Variants in LIN9 observed in about 807,000 individuals in gnomAD.
The protein encoded by LIN9 is protein lin-9 homolog.
LIN9 carries 18 observed loss-of-function variants against 78.0 expected under a neutral mutation model. The observed-to-expected ratio is 0.23, with a 90% CI of 0.16 to 0.34. The LOEUF (loss-of-function observed/expected upper bound fraction) is 0.34. LIN9 is among the 10% of genes least tolerant of loss of function. The pLI is 1.00. For missense variants in LIN9, 451 were observed against 644.1 expected (o/e 0.70, Z 3.25); for synonymous variants, 192 against 215.2 (o/e 0.89, Z 0.94).
At chr1:226,279,292 CTT>C (rs935600425) in intron 6 of LIN9, among the ~76,000 whole-genome samples, 19 of 151,866 alleles carry the variant, frequency 1.3e-4, no homozygotes, top group African/African-American at 3.6e-4. Flanking sequence ...CATAGTGAGA[CTT>C]TGTTTCTGCT....
chr1:226,256,423 G>A (rs1659197557), intron 10 of LIN9, among the ~76,000 whole-genome samples: 1 of 151,870 alleles, frequency 6.6e-6, no homozygotes, highest in Non-Finnish European at 1.5e-5. Context: ...AACAGGACTG[G>A]GCATCATAGC....
At chr1:226,304,282 A>G (rs1411053649) in intron 1 of LIN9, among the ~76,000 whole-genome samples, 1 of 152,238 alleles carries the variant, frequency 6.6e-6, no homozygotes, top group African/African-American at 2.4e-5. Context: ...GTTCATAAGC[A>G]TGATGATTGG....
intron 7 of LIN9, among the ~76,000 whole-genome samples, chr1:226,268,723 C>T (rs1208931447): frequency 6.6e-6 from 1 of 152,232 alleles, no homozygotes; most frequent in African/African-American, 2.4e-5. Context: ...GAACTCTGGT[C>T]ACTGAGTCTC....
chr1:226,272,539 CTT>C (rs555346267), intron 7 of LIN9, among the ~76,000 whole-genome samples: 1,340 of 129,754 alleles, frequency 0.01, 17 homozygotes, highest in Non-Finnish European at 0.013. Context: ...CATGCTTGAC[CTT>C]TTTTTTTTTT....
At chr1:226,293,583 TTTAA>T (rs1427754441) in intron 4 of LIN9, among the ~76,000 whole-genome samples, 1 of 151,360 alleles carries the variant, frequency 6.6e-6, no homozygotes, top group East Asian at 1.9e-4. Context: ...TTAAATTTAT[TTTAA>T]TTTATTTTTT....
At position 226,295,911 on chromosome 1, in the gene LIN9, A is replaced by G. The variant is rs994367517; in HGVS notation, c.195T>C (p.Ser65=). The change falls in exon 4 of 15, where the codon TCT becomes TCC. Residue 65 remains serine, a synonymous_variant. Transcript: ENST00000681046. ...FRNSKRSRLF[S]DEDDRQINTR... ...TATTTATTTGCCTATCATCTTCATCAGAAAAAAGTCGACTTCGTTTTGAAT... is the reference window on the plus strand; with the variant it reads ...TATTTATTTGCCTATCATCTTCATCGGAAAAAAGTCGACTTCGTTTTGAAT... 13 of 1,612,902 alleles carry G rather than the reference A, an allele frequency of 8.1e-6. No homozygotes were observed. The Admixed American group carries it at 1.5e-4, about 19-fold the overall frequency.
intron 1 of LIN9, chr1:226,308,820 C>G (rs1211038285): frequency 4.4e-6 from 1 of 228,314 alleles, no homozygotes; most frequent in Non-Finnish European, 8.5e-6. Flanking sequence ...GGCTGGGGGC[C>G]GGAGTGGCGC....
chr1:226,270,365 C>G (rs1660186049), intron 7 of LIN9, among the ~76,000 whole-genome samples: 1 of 152,080 alleles, frequency 6.6e-6, no homozygotes, highest in African/African-American at 2.4e-5. Context: ...TCCAACAACT[C>G]TCCAAAAAAT....
chr1:226,260,628 GTTTTTTTTTTTTTTTTTTTTTT>G (rs559460640), intron 10 of LIN9, among the ~76,000 whole-genome samples: 2 of 73,430 alleles, frequency 2.7e-5, no homozygotes, highest in Non-Finnish European at 5.1e-5. Flanking sequence ...GGCCAAATGA[GTTTTTTTTTTTTTTTTTTTTTT>G]TTTTTTTTTT....
At chr1:226,243,744 G>A (rs1576281757) in intron 11 of LIN9, among the ~76,000 whole-genome samples, 1 of 144,294 alleles carries the variant, frequency 6.9e-6, no homozygotes, top group East Asian at 2.0e-4. Context: ...AAACCCAATA[G>A]TATATATTCT....
chr1:226,294,913 C>T (rs2102653282), intron 4 of LIN9, among the ~76,000 whole-genome samples: 1 of 151,740 alleles, frequency 6.6e-6, no homozygotes, highest in African/African-American at 2.4e-5. Flanking sequence ...GATTCTCATG[C>T]CTCAGCCTCT....
intron 3 of LIN9, 70 bp from the exon 4 acceptor site, chr1:226,296,016 A>G: frequency 9.7e-7 from 1 of 1,025,908 alleles, no homozygotes; most frequent in South Asian, 1.4e-5. Context: ...ATACAATTCT[A>G]TACTTGGAAA....
intron 3 of LIN9, among the ~76,000 whole-genome samples, chr1:226,296,243 A>C (rs1452010814): frequency 6.6e-6 from 1 of 152,214 alleles, no homozygotes; most frequent in Non-Finnish European, 1.5e-5. Flanking sequence ...TGATAGGAAA[A>C]TAAGTTCCGG....
rs1658786780 is a variant in LIN9, at chr1:226,250,834, C to A, written c.1119+5G>T. 1.4e-6 allele frequency: 2 copies of A among 1,434,628 alleles called. No individual in the cohort carries two copies. The highest frequency in any genetic ancestry group is 1.9e-6 in the Non-Finnish European group (2 of 1,033,250). The allele number at this position is 1,434,628 out of a possible 1,614,324, so 88.9% of individuals were successfully genotyped here. A position where few individuals can be genotyped will look rare whatever the true frequency, so the allele number is the denominator to read the frequency against. ...AAATGAAGAAAAAAAAAGAGAAATT[C>A]TTACCAATTTTTCTGCTTCTGTGTT... On this transcript the variant is annotated splice_donor_5th_base_variant and intron_variant, in intron 11 of 14. Coordinates refer to ENST00000681046, the MANE Select transcript of LIN9 (RefSeq NM_001366245.2).
chr1:226,231,722 AT>A lies in LIN9; in HGVS notation c.*778del, dbSNP rs927900178. The A allele has an allele frequency of 3.6e-3, 546 of 152,226 alleles. No individual in the cohort carries two copies. Among genetic ancestry groups the A allele is most frequent in the Admixed American group, 6.9e-3 (104 of 15,024 alleles). The allele number at this position is 152,226 out of a possible 1,614,324, so 9.4% of individuals were successfully genotyped here. ...AAAAATATGAAAATAGTGTGTTATC[AT>A]TTTTTTTTTAATAAATCTCACAACA... is the stretch of plus-strand genomic sequence containing the variant. On this transcript the variant is annotated 3_prime_UTR_variant, in exon 15 of 15. Coordinates refer to ENST00000681046, the MANE Select transcript of LIN9 (RefSeq NM_001366245.2).
At position 226,304,307 on chromosome 1, in the gene LIN9, G is replaced by A. The variant is rs1662761169; in HGVS notation, c.32-3102C>T. ...ATGATGATTGGGTTTTCATACTCATGTGTGAGATGTGTCTCTCTCAAACTT... is the reference window on the plus strand; with the variant it reads ...ATGATGATTGGGTTTTCATACTCATATGTGAGATGTGTCTCTCTCAAACTT... On this transcript the variant is annotated intron_variant, in intron 1 of 14. Transcript: ENST00000681046. Among the ~76,000 whole-genome samples, 4 of 152,150 alleles carry A rather than the reference G, an allele frequency of 2.6e-5. No individual in the cohort carries two copies. The South Asian group carries it at 8.3e-4, about 31-fold the overall frequency.
intron 10 of LIN9, among the ~76,000 whole-genome samples, chr1:226,255,135 G>A (rs1006918152): frequency 2.0e-5 from 3 of 152,170 alleles, no homozygotes; most frequent in Non-Finnish European, 2.9e-5. Context: ...TTTACTCTAC[G>A]GGACCCAGTT....
chr1:226,282,341 G>T (rs937391874), intron 6 of LIN9, among the ~76,000 whole-genome samples: 3 of 152,074 alleles, frequency 2.0e-5, no homozygotes, highest in African/African-American at 7.2e-5. Flanking sequence ...GCTCTGTGTT[G>T]TACATTCTTG....
Position 226,232,616 on chromosome 1 carries a change from G to A in LIN9, c.1524-10C>T, listed in dbSNP as rs756411287. 6.5e-7 allele frequency: 1 copy of A among 1,530,138 alleles called. No individual in the cohort carries two copies. Among genetic ancestry groups the A allele is most frequent in the Non-Finnish European group, 8.9e-7 (1 of 1,118,434 alleles). 94.8% of individuals were successfully genotyped at this position (1,530,138 alleles called of 1,614,324 possible). ...ATTATTCTGAAAGCAACTAAAGAAA[G>A]AAGAAACATGGTTAACTACTTTATT... On this transcript the variant is annotated splice_polypyrimidine_tract_variant and intron_variant, in intron 14 of 14. Transcript: ENST00000681046.
Sources: gnomAD v4.1 joint callset for allele counts (sites outside exome capture counted in the v4.1 genomes callset) on GRCh38, gnomAD v4.1.1 for gene constraint, MANE v1.5 for transcripts, NCBI Gene and HGNC (gene_info 2026-07-23, HGNC 2026-07-21) for gene names.